Variants in TIAM1 observed in about 807,000 individuals in gnomAD.
TIAM1 encodes rho guanine nucleotide exchange factor TIAM1.
A neutral mutation model predicts 163.5 loss-of-function variants in TIAM1; 65 were observed. The observed-to-expected ratio is 0.40, with a 90% confidence interval of 0.33 to 0.49. TIAM1 has a LOEUF of 0.49. TIAM1 is among the 20% of genes least tolerant of loss of function. TIAM1 has a pLI of 0.77. For synonymous variants in TIAM1, 833 were observed against 810.1 expected (o/e 1.03, Z -0.48); for missense variants, 1,789 against 2,044.7 (o/e 0.87, Z 2.41).
intron 6 of TIAM1, among the ~76,000 whole-genome samples, chr21:31,229,890 T>C (rs1380305054): frequency 1.3e-5 from 2 of 152,168 alleles, no homozygotes; most frequent in Non-Finnish European, 2.9e-5. Flanking sequence ...TGACCTCAGG[T>C]GATCCACCCG....
At chr21:31,350,392 G>A (rs939054062) in intron 2 of TIAM1, among the ~76,000 whole-genome samples, 3 of 152,222 alleles carry the variant, frequency 2.0e-5, no homozygotes, top group Admixed American at 6.5e-5. Flanking sequence ...GGAGAATGAC[G>A]CTGGCTAAGA....
At chr21:31,181,423 A>C (rs1223110318) in intron 15 of TIAM1, among the ~76,000 whole-genome samples, 3 of 151,862 alleles carry the variant, frequency 2.0e-5, no homozygotes, top group Non-Finnish European at 1.5e-5. Flanking sequence ...GGGTCCCAGG[A>C]AGACTTCGAA....
At chr21:31,544,697 A>T (rs946691793) in intron 1 of TIAM1, among the ~76,000 whole-genome samples, 4 of 151,672 alleles carry the variant, frequency 2.6e-5, no homozygotes, top group African/African-American at 9.7e-5. Context: ...TATGGGTTGA[A>T]CTGTAGCCCT....
At chr21:31,451,769 G>C (rs1351380849) in intron 2 of TIAM1, among the ~76,000 whole-genome samples, 15 of 143,180 alleles carry the variant, frequency 1.0e-4, no homozygotes, top group African/African-American at 1.5e-4. Context: ...GTGAGACACA[G>C]AGAGAGAGAG....
At chr21:31,332,302 T>G (rs534153704) in intron 2 of TIAM1, among the ~76,000 whole-genome samples, 4 of 152,282 alleles carry the variant, frequency 2.6e-5, no homozygotes, top group South Asian at 4.2e-4. Flanking sequence ...AGCTAAAAGT[T>G]GAGTCTTGGT....
intron 2 of TIAM1, among the ~76,000 whole-genome samples, chr21:31,405,620 T>C (rs2077234031): frequency 6.6e-6 from 1 of 152,100 alleles, no homozygotes; most frequent in Non-Finnish European, 1.5e-5. Context: ...ACATCTTTCA[T>C]AGATTGCAGC....
rs558942861 is a variant in TIAM1 at position 31,462,135 on chromosome 21, A to T, written c.-369+1848T>A. On this transcript the variant is annotated intron_variant, in intron 2 of 28. Transcript: ENST00000286827. ...CCCAAAGATCAGCAAACTTTTTTTT[A>T]AAATAAAGGGCCAAATAGTAACGAT... is the stretch of plus-strand genomic sequence containing the variant. 3.9e-5 allele frequency among the ~76,000 whole-genome samples: 6 copies of T among 152,272 alleles called. No individual in the cohort carries two copies. The South Asian group carries it at 6.2e-4, about 16-fold the overall frequency.
chr21:31,214,336 A>G (rs2087054576), intron 9 of TIAM1, among the ~76,000 whole-genome samples: 1 of 152,086 alleles, frequency 6.6e-6, no homozygotes, highest in Admixed American at 6.5e-5. Context: ...AAAAAAACAA[A>G]AAAATAAAAA....
chr21:31,541,986 C>T (rs965776280), intron 1 of TIAM1, among the ~76,000 whole-genome samples: 1 of 152,182 alleles, frequency 6.6e-6, no homozygotes, highest in Non-Finnish European at 1.5e-5. Context: ...TAGCAATTTC[C>T]TCACTTTCCC....
chr21:31,266,496 G>T lies in TIAM1; in HGVS notation c.477C>A (p.Phe159Leu), dbSNP rs756511368. The T allele has an allele frequency of 1.2e-6, 2 of 1,614,186 alleles. No homozygotes were observed. Among genetic ancestry groups the T allele is most frequent in the Non-Finnish European group, 1.7e-6 (2 of 1,180,046 alleles). Residue 159 changes from phenylalanine (F) to leucine (L), a missense_variant, in exon 4 of 28, where the codon TTC (phenylalanine) becomes TTA (leucine). By Grantham distance (22) the Phe-to-Leu change is conservative. Around this residue, in one of 5 missense-constraint regions of TIAM1, gnomAD observed 555 missense variants for 564.9 expected, o/e 0.98. Transcript: ENST00000541036. The stretch of plus-strand genomic sequence containing the variant: ...TCTTCTTAAAGCTCGCCGTCTCCAT[G>T]AAAGTGGGCCCATTGGATGTATAGG... ...QHSYTSNGPTFMETASFKKKR... is the reference protein window; with the variant it reads ...QHSYTSNGPTLMETASFKKKR...
chr21:31,492,589 C>T (rs986726991), intron 1 of TIAM1, among the ~76,000 whole-genome samples: 1 of 152,064 alleles, frequency 6.6e-6, no homozygotes, highest in Admixed American at 6.5e-5. Context: ...CTTACCAGAC[C>T]AAACCAATGT....
At chr21:31,432,091 C>CTTTTTTTTTTTTT (rs11291911) in intron 2 of TIAM1, among the ~76,000 whole-genome samples, 2 of 93,662 alleles carry the variant, frequency 2.1e-5, no homozygotes, top group African/African-American at 9.2e-5. Flanking sequence ...TCTAAGATTC[C>CTTTTTTTTTTTTT]TTTTTTTTTT....
chr21:31,528,829 A>T (rs1462280658), intron 1 of TIAM1, among the ~76,000 whole-genome samples: 1 of 8,170 alleles, frequency 1.2e-4, no homozygotes, highest in Admixed American at 1.7e-3. Flanking sequence ...CAAACAAATT[A>T]AAAAAAAAAA....
At chr21:31,496,663 T>C (rs933666499) in intron 1 of TIAM1, among the ~76,000 whole-genome samples, 1 of 152,050 alleles carries the variant, frequency 6.6e-6, no homozygotes. Context: ...ATATTTATAG[T>C]CTATTTTAGT....
At chr21:31,125,009 T>C (rs550110660) in intron 26 of TIAM1, among the ~76,000 whole-genome samples, 8 of 151,942 alleles carry the variant, frequency 5.3e-5, no homozygotes, top group African/African-American at 1.9e-4. Context: ...CAAGGCAGAG[T>C]TTTTCATTAT....
intron 15 of TIAM1, among the ~76,000 whole-genome samples, chr21:31,168,647 G>C (rs1442567656): frequency 2.6e-5 from 4 of 152,166 alleles, no homozygotes; most frequent in Non-Finnish European, 4.4e-5. Context: ...TGATCCACCT[G>C]TCTTGGCCTC....
At chr21:31,233,438 T>C (rs1381980707) in intron 6 of TIAM1, among the ~76,000 whole-genome samples, 3 of 152,332 alleles carry the variant, frequency 2.0e-5, no homozygotes, top group African/African-American at 4.8e-5. Context: ...CCAGGCATGG[T>C]GGCTCACGCC....
intron 10 of TIAM1, 63 bp downstream of exon 10, chr21:31,213,335 C>T (rs1171910772): frequency 1.4e-6 from 2 of 1,420,164 alleles, no homozygotes; most frequent in Non-Finnish European, 9.7e-7. Context: ...GACAACACTG[C>T]ACCATGTATA....
intron 2 of TIAM1, among the ~76,000 whole-genome samples, chr21:31,387,504 A>G (rs370813028): frequency 1.5e-4 from 23 of 151,620 alleles, no homozygotes; most frequent in African/African-American, 4.1e-4. Context: ...TGAGCCACCG[A>G]GCCTGGCCTG....
Sources: allele counts gnomAD v4.1 joint callset (sites outside exome capture counted in the v4.1 genomes callset), GRCh38; gene constraint gnomAD v4.1.1; regional missense constraint gnomAD v4.1.1; transcripts MANE v1.5; gene names NCBI Gene and HGNC (gene_info 2026-07-23, HGNC 2026-07-21).